WEE2: variants seen among roughly 807,000 people sequenced by gnomAD.
WEE2 encodes wee1-like protein kinase 2.
In WEE2, 50 loss-of-function variants were observed where a neutral mutation model predicts 60.1. The observed-to-expected ratio is 0.83, with a 90% CI of 0.66 to 1.05. The LOEUF (loss-of-function observed/expected upper bound fraction) is 1.05. Among genes scored for constraint, WEE2 ranks in the 50% least tolerant of loss-of-function variants. The pLI, the probability that WEE2 is intolerant of heterozygous loss-of-function variation, is 0.00. For missense variants in WEE2, 631 were observed against 684.3 expected (o/e 0.92, Z 0.87); for synonymous variants, 240 against 241.0 (o/e 1.00, Z 0.04).
chr7:141,724,031 A>G lies in WEE2; in HGVS notation c.1118A>G (p.Asn373Ser), dbSNP rs772905831. ...GAAGCTGATTGGTTTCTCTCTGCCA[A>G]TGTGATGTATAAAATTGGTTAGTCT... Reference protein sequence around the residue: ...ENEADWFLSANVMYKIGDLGH... With the variant: ...ENEADWFLSASVMYKIGDLGH... Residue 373 changes from asparagine to serine, a missense_variant, in exon 7 of 12, where the codon AAT becomes AGT. Transcript: ENST00000397541. The G allele has an allele frequency of 7.4e-6, 12 of 1,612,914 alleles. No individual in the cohort carries two copies. The highest frequency in any genetic ancestry group is 6.7e-5 in the African/African-American group (5 of 74,884).
chr7:141,715,254 G>A (rs567034900), intron 2 of WEE2, among the ~76,000 whole-genome samples: 14 of 152,100 alleles, frequency 9.2e-5, no homozygotes, highest in Non-Finnish European at 1.2e-4. Context: ...CCAAGAATTC[G>A]ATTGGTTTTA....
At position 141,719,072 on chromosome 7, in the gene WEE2, A is replaced by G. The variant is rs866377382; in HGVS notation, c.586A>G (p.Arg196Gly). The change falls in exon 4 of 12, where the codon AGA becomes GGA. Residue 196 changes from arginine (R) to glycine (G), a missense_variant and splice_region_variant. Transcript: ENST00000397541. ...EEGKGGLPAKRCVLRETNMAS... is the reference protein window; with the variant it reads ...EEGKGGLPAKGCVLRETNMAS... The stretch of plus-strand genomic sequence containing the variant: ...TTTCCTTTTTATTAAAATACTTTAG[A>G]GATGTGTTTTACGAGAAACCAACAT... The G allele has an allele frequency of 2.5e-6, 4 of 1,612,900 alleles. No homozygotes were observed. The African/African-American group carries it at 4.0e-5, about 16-fold the overall frequency.
At position 141,708,445 on chromosome 7, in the gene WEE2, T is replaced by G; in HGVS notation, c.-314T>G. On this transcript the variant is annotated 5_prime_UTR_variant, in exon 1 of 12. Transcript: ENST00000397541. ...AAGGAATTCAATTTTCTCACTAGTA[T>G]TTGGTAACACATGGGAGACTATGTG... is the stretch of plus-strand genomic sequence containing the variant. 3.2e-6 allele frequency: 1 copy of G among 312,744 alleles called. No individual in the cohort carries two copies. Among genetic ancestry groups the G allele is most frequent in the Non-Finnish European group, 5.9e-6 (1 of 169,902 alleles). 19.4% of individuals were successfully genotyped at this position (312,744 alleles called of 1,614,324 possible). A position where few individuals can be genotyped will look rare whatever the true frequency, so the allele number is the denominator to read the frequency against.
intron 10 of WEE2, 131 bp downstream of exon 10, chr7:141,727,577 C>A: frequency 1.7e-6 from 2 of 1,204,064 alleles, no homozygotes; most frequent in South Asian, 1.8e-5. Context: ...AGGTCCCTGC[C>A]CACAAGGAAA....
chr7:141,713,370 C>T (rs1798739515), intron 1 of WEE2, among the ~76,000 whole-genome samples: 1 of 152,178 alleles, frequency 6.6e-6, no homozygotes, highest in Admixed American at 6.5e-5. Flanking sequence ...ACTCCTCTGG[C>T]CCCTGACATC....
At position 141,716,362 on chromosome 7, in the gene WEE2, C is replaced by T. The variant is rs541603659; in HGVS notation, c.585+95C>T. On this transcript the variant is annotated intron_variant, in intron 3 of 11. Transcript: ENST00000397541. ...CCCCTTCTCCCTCTCTCTCCTCCCTCCTCCCTTCTTCCCTACCCTCCCTTT... is the reference window on the plus strand; with the variant it reads ...CCCCTTCTCCCTCTCTCTCCTCCCTTCTCCCTTCTTCCCTACCCTCCCTTT... 2.5e-6 allele frequency: 3 copies of T among 1,211,246 alleles called. No individual in the cohort carries two copies. The African/African-American group carries it at 4.6e-5, about 19-fold the overall frequency. The allele number at this position is 1,211,246 out of a possible 1,614,324, so 75.0% of individuals were successfully genotyped here.
intron 4 of WEE2, 141 bp downstream of exon 4, chr7:141,719,385 A>T (rs755003489): frequency 3.8e-6 from 3 of 786,876 alleles, no homozygotes; most frequent in Non-Finnish European, 5.8e-6. Context: ...GTTATCTCAT[A>T]TTCATAACCT....
rs1023587965 is a variant in WEE2 at position 141,729,774 on chromosome 7, G to A, written c.1678+101G>A. 4.4e-6 allele frequency: 6 copies of A among 1,368,678 alleles called. No individual in the cohort carries two copies. The African/African-American group carries it at 8.8e-5, about 20-fold the overall frequency. The allele number at this position is 1,368,678 out of a possible 1,614,324, so 84.8% of individuals were successfully genotyped here. A position where few individuals can be genotyped will look rare whatever the true frequency, so the allele number is the denominator to read the frequency against. The stretch of plus-strand genomic sequence containing the variant: ...GAGGCCAAGGCAGGTGGATCATGAG[G>A]TCAGGAGATCGAAACCATCCTGGCT... On this transcript the variant is annotated intron_variant, in intron 11 of 11. Coordinates refer to ENST00000397541, the MANE Select transcript of WEE2 (RefSeq NM_001105558.1).
At chr7:141,723,519 GTATT>G in intron 6 of WEE2, among the ~76,000 whole-genome samples, 1 of 152,114 alleles carries the variant, frequency 6.6e-6, no homozygotes, top group South Asian at 2.1e-4. Context: ...GTAAAATTAG[GTATT>G]TAATTTACTA....
At chr7:141,726,151 A>G (rs1052769316) in intron 9 of WEE2, among the ~76,000 whole-genome samples, 1 of 152,154 alleles carries the variant, frequency 6.6e-6, no homozygotes, top group African/African-American at 2.4e-5. Context: ...ACTGTCAAGA[A>G]GCTTAATCAT....
intron 8 of WEE2, 106 bp downstream of exon 8, chr7:141,724,381 T>A: frequency 1.0e-6 from 1 of 969,750 alleles, no homozygotes; most frequent in Non-Finnish European, 1.6e-6. Context: ...ATCATTATAG[T>A]ACCGCTCTTC....
rs772671520 is a variant in WEE2 at position 141,719,161 on chromosome 7, A to G, written c.675A>G (p.Thr225=). ...AAATTGGGGTTGGCGAATTTGGTAC[A>G]GTCTACAAGTGCATTAAGAGGCTGG... The part of the protein sequence containing the change: ...VEKIGVGEFG[T]VYKCIKRLDG... The change falls in exon 4 of 12, where the codon ACA becomes ACG. Residue 225 remains threonine, a synonymous_variant. Transcript: ENST00000397541. 1.9e-6 allele frequency: 3 copies of G among 1,613,986 alleles called. No homozygotes were observed. The highest frequency in any genetic ancestry group is 2.5e-6 in the Non-Finnish European group (3 of 1,179,988).
Position 141,725,152 on chromosome 7 carries a change from G to A in WEE2, c.1348G>A (p.Asp450Asn). ...CCATATCCGCAAGGGTAACTTTCCGGACGTTCCTCAGGAGCTCTCAGAAAG... is the reference window on the plus strand; with the variant it reads ...CCATATCCGCAAGGGTAACTTTCCGAACGTTCCTCAGGAGCTCTCAGAAAG... ...WHHIRKGNFPDVPQELSESFS... is the reference protein window; with the variant it reads ...WHHIRKGNFPNVPQELSESFS... The change falls in exon 9 of 12, where the codon GAC (aspartate) becomes AAC (asparagine). Residue 450 changes from aspartate (D) to asparagine (N), a missense_variant. Physicochemically the swap from Asp to Asn is conservative, Grantham distance 23 (BLOSUM62 1). Coordinates refer to ENST00000397541, the MANE Select transcript of WEE2 (RefSeq NM_001105558.1). 1.2e-6 allele frequency: 2 copies of A among 1,614,210 alleles called. No individual in the cohort carries two copies. Among genetic ancestry groups the A allele is most frequent in the Non-Finnish European group, 8.5e-7 (1 of 1,180,030 alleles).
chr7:141,712,606 C>G, intron 1 of WEE2, among the ~76,000 whole-genome samples: 1 of 152,118 alleles, frequency 6.6e-6, no homozygotes, highest in Non-Finnish European at 1.5e-5. Context: ...ATATTCTTCC[C>G]TACATCATAA....
rs1418510353 is a variant in WEE2, at chr7:141,731,101, G to T, written c.*781G>T. On this transcript the variant is annotated 3_prime_UTR_variant, in exon 12 of 12. Transcript: ENST00000397541. ...CAACAGTTAATGATGGTCAGGATCTGCTAGAAAATTATGTTGGTCATAAAG... is the reference window on the plus strand; with the variant it reads ...CAACAGTTAATGATGGTCAGGATCTTCTAGAAAATTATGTTGGTCATAAAG... 1 of 152,122 alleles carries T rather than the reference G, an allele frequency of 6.6e-6. No individual in the cohort carries two copies. Among genetic ancestry groups the T allele is most frequent in the East Asian group, 1.9e-4 (1 of 5,196 alleles). The allele number at this position is 152,122 out of a possible 1,614,324, so 9.4% of individuals were successfully genotyped here. A position where few individuals can be genotyped will look rare whatever the true frequency, so the allele number is the denominator to read the frequency against.
intron 5 of WEE2, 144 bp from the exon 6 acceptor site, chr7:141,722,990 C>T: frequency 3.0e-6 from 3 of 993,662 alleles, no homozygotes; most frequent in African/African-American, 1.6e-5. Context: ...CCATTTTATA[C>T]AAGGCTCTTG....
chr7:141,724,379 A>C, intron 8 of WEE2, 104 bp downstream of exon 8: 2 of 977,864 alleles, frequency 2.0e-6, no homozygotes, highest in South Asian at 3.3e-5. Flanking sequence ...TTATCATTAT[A>C]GTACCGCTCT....
In WEE2 at chr7:141,721,165, C is replaced by T. The variant is rs922111745; in HGVS notation, c.880+109C>T. On this transcript the variant is annotated intron_variant, in intron 5 of 11. Transcript: ENST00000397541. ...GTTCATTCCACGGATAGCAGATATA[C>T]CTAAAAAGTCTGTACTATATATTAT... is the stretch of plus-strand genomic sequence containing the variant. 4.5e-6 allele frequency: 6 copies of T among 1,332,318 alleles called. No homozygotes were observed. In the African/African-American group the frequency reaches 5.9e-5, roughly 13 times the overall value. 82.5% of individuals were successfully genotyped at this position (1,332,318 alleles called of 1,614,324 possible).
At chr7:141,726,142 CTGTCAAGAAGCTTAATCA>C (rs903541307) in intron 9 of WEE2, among the ~76,000 whole-genome samples, 53 of 152,128 alleles carry the variant, frequency 3.5e-4, no homozygotes, top group African/African-American at 1.3e-3. Flanking sequence ...AAAGCTTATA[CTGTCAAGAAGCTTAATCA>C]TGTCAAGAAA....
Sources: allele counts gnomAD v4.1 joint callset (sites outside exome capture counted in the v4.1 genomes callset), GRCh38; gene constraint gnomAD v4.1.1; transcripts MANE v1.5; gene names NCBI Gene and HGNC (gene_info 2026-07-23, HGNC 2026-07-21).